The following EML4 variants were observed in gnomAD, a reference collection of about 807,000 sequenced individuals.
The protein encoded by EML4 is echinoderm microtubule-associated protein-like 4.
A neutral mutation model predicts 129.0 loss-of-function variants in EML4; 72 were observed. The observed-to-expected ratio is 0.56, with a 90% CI of 0.46 to 0.68. The LOEUF is 0.68. EML4 is among the 30% of genes least tolerant of loss of function. EML4 has a pLI of 0.00. For missense variants in EML4, 1,363 were observed against 1,190.6 expected (o/e 1.14, Z -2.13); for synonymous variants, 532 against 405.0 (o/e 1.31, Z -3.77).
chr2:42,325,953 A>G (rs1669788771), intron 20 of EML4: 2 of 353,340 alleles, frequency 5.7e-6, no homozygotes, highest in African/African-American at 4.4e-5. Context: ...GAGGAAAAAA[A>G]AAACTTCCAT....
At chr2:42,189,806 T>C (rs950442576) in intron 1 of EML4, among the ~76,000 whole-genome samples, 6 of 152,198 alleles carry the variant, frequency 3.9e-5, no homozygotes, top group Non-Finnish European at 5.9e-5. Flanking sequence ...TCATTTGCTG[T>C]TGTTCTCTTA....
At chr2:42,280,182 A>C (rs1666927972) in intron 6 of EML4, among the ~76,000 whole-genome samples, 1 of 152,192 alleles carries the variant, frequency 6.6e-6, no homozygotes, top group Non-Finnish European at 1.5e-5. Context: ...CTTCTTTTCA[A>C]GTGTTAGAAA....
chr2:42,306,137 G>C (rs1175787958), intron 17 of EML4, among the ~76,000 whole-genome samples: 3 of 152,190 alleles, frequency 2.0e-5, no homozygotes, highest in Non-Finnish European at 2.9e-5. Flanking sequence ...GGCTAGCTCA[G>C]ATCTTCCCCA....
intron 1 of EML4, among the ~76,000 whole-genome samples, chr2:42,241,142 G>A (rs901458453): frequency 6.6e-6 from 1 of 151,806 alleles, no homozygotes; most frequent in Admixed American, 6.6e-5. Flanking sequence ...GGTCGACAGA[G>A]TGAGTCTCAA....
intron 1 of EML4, among the ~76,000 whole-genome samples, chr2:42,233,036 G>A (rs546119942): frequency 6.6e-6 from 1 of 152,012 alleles, no homozygotes; most frequent in Admixed American, 6.6e-5. Context: ...AAGGCCTTTT[G>A]TAAGTATTAA....
intron 9 of EML4, 75 bp from the exon 10 acceptor site, chr2:42,286,194 G>A (rs1457742640): frequency 3.6e-6 from 3 of 841,636 alleles, no homozygotes; most frequent in Non-Finnish European, 6.3e-6. Context: ...TTTTTAAATG[G>A]CATTAGTTCT....
In EML4 at chr2:42,330,507, C is replaced by T; in HGVS notation, c.*300C>T. On this transcript the variant is annotated 3_prime_UTR_variant, in exon 23 of 23. Coordinates refer to ENST00000318522, the MANE Select transcript of EML4 (RefSeq NM_019063.5). ...ATGTAAATACTGGAAACAAAAACAG[C>T]AGTTGCATTGATTTTGAAAACAAAC... The T allele has an allele frequency of 2.0e-6, 1 of 489,944 alleles. No homozygotes were observed. The highest frequency in any genetic ancestry group is 3.7e-6 in the Non-Finnish European group (1 of 267,586). 30.3% of individuals were successfully genotyped at this position (489,944 alleles called of 1,614,324 possible). A position where few individuals can be genotyped will look rare whatever the true frequency, so the allele number is the denominator to read the frequency against.
intron 8 of EML4, among the ~76,000 whole-genome samples, chr2:42,283,666 A>G (rs951274498): frequency 3.3e-5 from 5 of 152,164 alleles, no homozygotes; most frequent in African/African-American, 9.7e-5. Flanking sequence ...GACTATTATA[A>G]TATTATATAG....
rs538297880 is a variant in EML4 at position 42,253,749 on chromosome 2, T to G, written c.209-2752T>G. On this transcript the variant is annotated intron_variant, in intron 2 of 22. Coordinates refer to ENST00000318522, the MANE Select transcript of EML4 (RefSeq NM_019063.5). ...AAAAAAGACAAAAAACAAAAATACC[T>G]TGACTCTCACCTCACGCCATAAACA... 5.9e-5 allele frequency among the ~76,000 whole-genome samples: 9 copies of G among 152,294 alleles called. No homozygotes were observed. In the South Asian group the frequency reaches 8.3e-4, roughly 14 times the overall value.
intron 2 of EML4, among the ~76,000 whole-genome samples, chr2:42,246,555 T>G (rs1675412835): frequency 6.6e-6 from 1 of 152,208 alleles, no homozygotes; most frequent in South Asian, 2.1e-4. Context: ...GAAGCAGATT[T>G]AGAAGAAAGA....
chr2:42,184,890 T>C (rs547575922), intron 1 of EML4, among the ~76,000 whole-genome samples: 1 of 152,220 alleles, frequency 6.6e-6, no homozygotes, highest in African/African-American at 2.4e-5. Context: ...TTATACTAGG[T>C]TGAATGTATT....
intron 1 of EML4, among the ~76,000 whole-genome samples, chr2:42,233,747 A>G (rs1335506620): frequency 1.3e-5 from 2 of 152,226 alleles, no homozygotes; most frequent in Admixed American, 1.3e-4. Flanking sequence ...ATATCTTAAT[A>G]TTTTGGTTTT....
chr2:42,299,467 A>G (rs899842142), intron 13 of EML4, among the ~76,000 whole-genome samples: 18 of 152,196 alleles, frequency 1.2e-4, no homozygotes, highest in Admixed American at 1.0e-3. Context: ...TTGTGCAGCC[A>G]TCACCACTAT....
intron 2 of EML4, among the ~76,000 whole-genome samples, chr2:42,249,199 A>G (rs1034255793): frequency 1.3e-5 from 2 of 152,194 alleles, no homozygotes; most frequent in Non-Finnish European, 2.9e-5. Context: ...AGTTTTTCAT[A>G]ACATTAAAAA....
At chr2:42,251,820 A>T (rs908939779) in intron 2 of EML4, among the ~76,000 whole-genome samples, 23 of 152,156 alleles carry the variant, frequency 1.5e-4, no homozygotes, top group African/African-American at 5.6e-4. Flanking sequence ...AAAATGATCT[A>T]TTTTTTGGCA....
At chr2:42,207,119 G>A (rs1325989214) in intron 1 of EML4, among the ~76,000 whole-genome samples, 1 of 152,128 alleles carries the variant, frequency 6.6e-6, no homozygotes, top group Non-Finnish European at 1.5e-5. Context: ...ATGTCAGCGT[G>A]ATTATTGGTT....
intron 2 of EML4, among the ~76,000 whole-genome samples, chr2:42,253,633 T>C (rs1451996150): frequency 4.6e-5 from 7 of 152,182 alleles, no homozygotes; most frequent in African/African-American, 1.4e-4. Context: ...TTTAGTTGTT[T>C]TGATATTAAG....
chr2:42,328,866 C>A lies in EML4; in HGVS notation c.2342-20C>A. The A allele has an allele frequency of 6.4e-7, 1 of 1,570,452 alleles. No individual in the cohort carries two copies. The highest frequency in any genetic ancestry group is 1.2e-5 in the South Asian group (1 of 85,886). The stretch of plus-strand genomic sequence containing the variant: ...TTTCTTCAGCTAATTTTTCTGCATC[C>A]CTGTGTTTCCATATCAAAGGTGTCT... On this transcript the variant is annotated intron_variant, in intron 21 of 22. Coordinates refer to ENST00000318522, the MANE Select transcript of EML4 (RefSeq NM_019063.5).
At chr2:42,184,969 T>A (rs1351087586) in intron 1 of EML4, among the ~76,000 whole-genome samples, 1 of 152,204 alleles carries the variant, frequency 6.6e-6, no homozygotes, top group African/African-American at 2.4e-5. Context: ...AACCATAGGA[T>A]CAGTGGATTG....
Sources: allele counts gnomAD v4.1 joint callset (sites outside exome capture counted in the v4.1 genomes callset), GRCh38; gene constraint gnomAD v4.1.1; transcripts MANE v1.5; gene names NCBI Gene and HGNC (gene_info 2026-07-23, HGNC 2026-07-21).